Variants in RPH3A observed in about 807,000 individuals in gnomAD.
RPH3A encodes the protein rabphilin 3A.
Under a neutral mutation model 102.2 loss-of-function variants are expected in RPH3A, and 48 were observed. The observed-to-expected ratio is 0.47, with a 90% CI of 0.37 to 0.60. RPH3A has a LOEUF of 0.60. RPH3A is among the 20% of genes least tolerant of loss of function. The pLI is 0.00. For synonymous variants in RPH3A, 310 were observed against 324.3 expected, an observed-to-expected ratio of 0.96 and a Z score of 0.47; for missense variants, 781 against 910.1, an observed-to-expected ratio of 0.86 and a Z score of 1.83.
At chr12:112,835,111 C>T (rs1440663456) in intron 3 of RPH3A, among the ~76,000 whole-genome samples, 1 of 152,184 alleles carries the variant, frequency 6.6e-6, no homozygotes, top group Admixed American at 6.5e-5. Flanking sequence ...ATATACTCCA[C>T]AGCAAATGTC....
intron 1 of RPH3A, among the ~76,000 whole-genome samples, chr12:112,696,712 A>G (rs1403539875): frequency 6.6e-6 from 1 of 152,240 alleles, no homozygotes; most frequent in Admixed American, 6.5e-5. Flanking sequence ...AGCTCTAGAT[A>G]ACTCAGGTTA....
chr12:112,877,416 G>A (rs1485020695), intron 13 of RPH3A, among the ~76,000 whole-genome samples: 2 of 104,202 alleles, frequency 1.9e-5, no homozygotes, highest in African/African-American at 8.7e-5. Flanking sequence ...ACACACACAC[G>A]TATACACACA....
upstream of RPH3A, among the ~76,000 whole-genome samples, chr12:112,788,592 T>C (rs1318213840): frequency 1.3e-5 from 2 of 152,194 alleles, no homozygotes; most frequent in Non-Finnish European, 2.9e-5. Context: ...AGCTGTGAAG[T>C]GTGGGGATAA....
intron 1 of RPH3A, among the ~76,000 whole-genome samples, chr12:112,675,167 A>G (rs1171026864): frequency 1.3e-5 from 2 of 152,208 alleles, no homozygotes; most frequent in African/African-American, 2.4e-5. Flanking sequence ...CTTCCCTGCT[A>G]AAGGAAAGAG....
intron 1 of RPH3A, chr12:112,591,568 C>A (rs1354286091): frequency 6.6e-6 from 1 of 152,272 alleles, no homozygotes; most frequent in Non-Finnish European, 1.5e-5. Context: ...GAACTTTTCA[C>A]TTTCAGAATG....
chr12:112,879,249 T>C, intron 14 of RPH3A, 51 bp downstream of exon 14: 1 of 1,496,738 alleles, frequency 6.7e-7, no homozygotes, highest in Non-Finnish European at 9.3e-7. Flanking sequence ...CTGGCATGGC[T>C]AGGAGACTCA....
At chr12:112,812,239 A>G (rs1333625244) in intron 2 of RPH3A, among the ~76,000 whole-genome samples, 2 of 152,122 alleles carry the variant, frequency 1.3e-5, no homozygotes, top group Non-Finnish European at 2.9e-5. Context: ...GGCCAGCCCC[A>G]TCAGAACACC....
At chr12:112,725,409 G>A (rs1026681098) in intron 1 of RPH3A, among the ~76,000 whole-genome samples, 2 of 152,152 alleles carry the variant, frequency 1.3e-5, no homozygotes, top group Non-Finnish European at 2.9e-5. Context: ...GGAAAGGAGC[G>A]TTTGTGATGC....
chr12:112,885,303 G>A (rs1372535174), intron 16 of RPH3A, among the ~76,000 whole-genome samples: 1 of 152,218 alleles, frequency 6.6e-6, no homozygotes, highest in Non-Finnish European at 1.5e-5. Context: ...CATAGTGGCT[G>A]TGCCAGTGTG....
intron 1 of RPH3A, among the ~76,000 whole-genome samples, chr12:112,763,155 C>T (rs1028079193): frequency 1.3e-5 from 2 of 152,216 alleles, no homozygotes; most frequent in African/African-American, 4.8e-5. Context: ...AAGTAACTCT[C>T]CCTCTAGGAA....
rs568510218 is a variant in RPH3A at position 112,769,785 on chromosome 12, T to C, written c.-139-22358T>C. Among the ~76,000 whole-genome samples, 12 of 152,366 alleles carry C rather than the reference T, an allele frequency of 7.9e-5. No individual in the cohort carries two copies. In the East Asian group the frequency reaches 2.1e-3, roughly 27 times the overall value. Reference sequence around the variant, plus strand: ...TCTGAACCCTTTAATGAAGGGTACATTCTGATATAATTTGTGATCACACAA... The same window carrying C: ...TCTGAACCCTTTAATGAAGGGTACACTCTGATATAATTTGTGATCACACAA... On this transcript the variant is annotated intron_variant, in intron 1 of 21. Coordinates refer to the RPH3A transcript ENST00000543106.
At chr12:112,659,709 A>G (rs1592930196) in intron 1 of RPH3A, among the ~76,000 whole-genome samples, 1 of 152,168 alleles carries the variant, frequency 6.6e-6, no homozygotes, top group Non-Finnish European at 1.5e-5. Flanking sequence ...CAATCAATCT[A>G]TCTATCCATC....
chr12:112,700,213 G>A (rs2040383549), intron 1 of RPH3A, among the ~76,000 whole-genome samples: 1 of 152,084 alleles, frequency 6.6e-6, no homozygotes, highest in Non-Finnish European at 1.5e-5. Flanking sequence ...GGGATTACAG[G>A]CATGCACAAC....
intron 1 of RPH3A, among the ~76,000 whole-genome samples, chr12:112,762,647 G>A (rs1198160826): frequency 1.3e-5 from 2 of 152,032 alleles, no homozygotes; most frequent in African/African-American, 4.8e-5. Context: ...CTGGATCCAG[G>A]GACTCATATT....
chr12:112,765,676 G>T (rs1009698678), intron 1 of RPH3A, among the ~76,000 whole-genome samples: 1 of 152,192 alleles, frequency 6.6e-6, no homozygotes, highest in Non-Finnish European at 1.5e-5. Flanking sequence ...ACTGCTTCAT[G>T]CAATTTTCCA....
chr12:112,611,021 G>A (rs1020103581), intron 1 of RPH3A, among the ~76,000 whole-genome samples: 12 of 152,252 alleles, frequency 7.9e-5, no homozygotes, highest in Middle Eastern at 3.4e-3. Context: ...CAAAGATTTC[G>A]TCATCTTGTT....
chr12:112,861,050 C>G (rs2042503754), intron 5 of RPH3A, among the ~76,000 whole-genome samples: 1 of 152,134 alleles, frequency 6.6e-6, no homozygotes, highest in Non-Finnish European at 1.5e-5. Flanking sequence ...ACAGTCCAAA[C>G]AAACAAAAGA....
intron 1 of RPH3A, among the ~76,000 whole-genome samples, chr12:112,611,020 C>T (rs1008283066): frequency 2.0e-4 from 31 of 152,186 alleles, no homozygotes; most frequent in African/African-American, 6.8e-4. Context: ...ACAAAGATTT[C>T]GTCATCTTGT....
At chr12:112,875,858 G>T in intron 12 of RPH3A, 117 bp downstream of exon 12, 1 of 819,120 alleles carries the variant, frequency 1.2e-6, no homozygotes, top group South Asian at 1.6e-5. Context: ...CCTGTCTGAT[G>T]AGATCTAAAC....
Sources: allele counts gnomAD v4.1 joint callset (sites outside exome capture counted in the v4.1 genomes callset), GRCh38; gene constraint gnomAD v4.1.1; transcripts MANE v1.5; gene names NCBI Gene and HGNC (gene_info 2026-07-23, HGNC 2026-07-21).